Variants in RAP1A observed in about 807,000 individuals in gnomAD.
The protein encoded by RAP1A is ras-related protein Rap-1A.
In RAP1A, 6 loss-of-function variants were observed where a neutral mutation model predicts 26.4. That is an observed-to-expected ratio of 0.23 (90% confidence interval 0.12 to 0.45). RAP1A has a LOEUF of 0.45. Ranked by LOEUF, RAP1A falls within the 20% of genes least tolerant of loss-of-function variation. The probability of loss-of-function intolerance (pLI) is 0.99; values close to 1 mark genes in which losing one functional copy is unlikely to be tolerated. For synonymous variants in RAP1A, 73 were observed against 79.4 expected (o/e 0.92, Z 0.43); for missense variants, 121 against 217.2 (o/e 0.56, Z 2.78).
chr1:111,671,732 C>T (rs1213581459), intron 1 of RAP1A, among the ~76,000 whole-genome samples: 1 of 152,180 alleles, frequency 6.6e-6, no homozygotes, highest in Non-Finnish European at 1.5e-5. Flanking sequence ...CCTTGGCCTC[C>T]CAAAGTGCTG....
At chr1:111,631,964 G>A (rs1239730916) in intron 1 of RAP1A, among the ~76,000 whole-genome samples, 2 of 151,802 alleles carry the variant, frequency 1.3e-5, no homozygotes, top group Non-Finnish European at 2.9e-5. Flanking sequence ...TTTTGGTTCT[G>A]TTTATATCTT....
chr1:111,691,297 T>G, intron 1 of RAP1A, 37 bp from the exon 2 acceptor site: 1 of 1,449,896 alleles, frequency 6.9e-7, no homozygotes, highest in Non-Finnish European at 9.7e-7. Context: ...ACTGTTAGCA[T>G]GTTTCTTAAT....
chr1:111,624,751 G>A (rs768997045), intron 1 of RAP1A, among the ~76,000 whole-genome samples: 17 of 152,082 alleles, frequency 1.1e-4, no homozygotes, highest in South Asian at 6.2e-4. Context: ...AATAACGTGC[G>A]TTTATAAGTG....
chr1:111,621,297 T>G (rs1659194627), intron 1 of RAP1A, among the ~76,000 whole-genome samples: 1 of 152,184 alleles, frequency 6.6e-6, no homozygotes. Flanking sequence ...TATGTGTAGT[T>G]TTTCTTTCCT....
chr1:111,633,616 A>T (rs1308496983), intron 1 of RAP1A, among the ~76,000 whole-genome samples: 1 of 152,186 alleles, frequency 6.6e-6, no homozygotes, highest in East Asian at 1.9e-4. Flanking sequence ...ATATACTCTT[A>T]AAAAGTTTCT....
At chr1:111,621,904 TATCTACACTTA>T (rs1659217808) in intron 1 of RAP1A, among the ~76,000 whole-genome samples, 1 of 152,084 alleles carries the variant, frequency 6.6e-6, no homozygotes, top group East Asian at 1.9e-4. Context: ...AGAAGGACAG[TATCTACACTTA>T]ATATACCCCA....
chr1:111,668,451 A>G (rs994142414), intron 1 of RAP1A, among the ~76,000 whole-genome samples: 6 of 152,228 alleles, frequency 3.9e-5, no homozygotes, highest in East Asian at 3.8e-4. Flanking sequence ...AGTGCTTCCT[A>G]TGAACCTTGA....
chr1:111,544,400 A>G (rs534153779), intron 1 of RAP1A, among the ~76,000 whole-genome samples: 106 of 152,190 alleles, frequency 7.0e-4, no homozygotes, highest in African/African-American at 1.9e-3. Context: ...CCAATCTACA[A>G]TCTGTCTCTA....
chr1:111,660,634 C>G (rs1292623516), intron 1 of RAP1A, among the ~76,000 whole-genome samples: 1 of 152,164 alleles, frequency 6.6e-6, no homozygotes, highest in Non-Finnish European at 1.5e-5. Context: ...TTGACCTTCT[C>G]TTTTACAACC....
At position 111,593,900 on chromosome 1, in the gene RAP1A, T is replaced by C. The variant is rs75077528; in HGVS notation, c.-28+51391T>C. ...GGAGAATCTTTTGAAAAAAGAATTA[T>C]AAAATGTCCTCTGAGACAGGTGGTC... On this transcript the variant is annotated intron_variant, in intron 1 of 7. Transcript: ENST00000356415. 8.4e-3 allele frequency among the ~76,000 whole-genome samples: 1,279 copies of C among 152,214 alleles called. 16 individuals carry two copies. The highest frequency in any genetic ancestry group is 0.061 in the East Asian group (314 of 5,178).
upstream of RAP1A, among the ~76,000 whole-genome samples, chr1:111,615,684 A>T (rs1471084563): frequency 6.6e-6 from 1 of 152,032 alleles, no homozygotes; most frequent in Non-Finnish European, 1.5e-5. Context: ...TAAAAAAATT[A>T]GCTGGCCGTG....
Position 111,619,927 on chromosome 1 carries a change from C to T in RAP1A, c.-35C>T. ...TGGAGGAGGTGGAGGAGGCGCCGGA[C>T]CGGGGGGGTGAGTAAGGGGCGGGGA... On this transcript the variant is annotated 5_prime_UTR_variant, in exon 1 of 8. Transcript: ENST00000369709. The T allele has an allele frequency of 5.1e-6, 2 of 393,830 alleles. No homozygotes were observed. Among genetic ancestry groups the T allele is most frequent in the Non-Finnish European group, 4.5e-6 (1 of 224,520 alleles). The allele number at this position is 393,830 out of a possible 1,614,324, so 24.4% of individuals were successfully genotyped here. A position where few individuals can be genotyped will look rare whatever the true frequency, so the allele number is the denominator to read the frequency against.
intron 4 of RAP1A, among the ~76,000 whole-genome samples, chr1:111,698,299 A>G (rs1419822719): frequency 6.6e-6 from 1 of 152,088 alleles, no homozygotes; most frequent in East Asian, 1.9e-4. Context: ...TTAAGAGACG[A>G]GGTCTTGCTC....
At chr1:111,557,132 G>T (rs1432346710) in intron 1 of RAP1A, among the ~76,000 whole-genome samples, 1 of 152,072 alleles carries the variant, frequency 6.6e-6, no homozygotes, top group Non-Finnish European at 1.5e-5. Flanking sequence ...TACCTACAGA[G>T]GAATGATATT....
intron 1 of RAP1A, among the ~76,000 whole-genome samples, chr1:111,664,859 T>C (rs1379732295): frequency 6.6e-6 from 1 of 152,226 alleles, no homozygotes; most frequent in Non-Finnish European, 1.5e-5. Flanking sequence ...CTTACAGCAC[T>C]TCCTGGCACA....
At chr1:111,568,287 A>G (rs1275680226) in intron 1 of RAP1A, among the ~76,000 whole-genome samples, 1 of 152,132 alleles carries the variant, frequency 6.6e-6, no homozygotes, top group African/African-American at 2.4e-5. Context: ...ATCTCTACTC[A>G]GCTTCTAGTG....
At chr1:111,693,930 T>C (rs1415637034) in intron 2 of RAP1A, among the ~76,000 whole-genome samples, 1 of 151,808 alleles carries the variant, frequency 6.6e-6, no homozygotes, top group East Asian at 1.9e-4. Flanking sequence ...AATCAGCATC[T>C]TGCCCTGGAG....
chr1:111,612,498 A>G (rs1571497622), intron 1 of RAP1A, among the ~76,000 whole-genome samples: 1 of 152,106 alleles, frequency 6.6e-6, no homozygotes, highest in Admixed American at 6.5e-5. Context: ...GGTATCTTCC[A>G]CTCTGATTTA....
chr1:111,645,511 A>C (rs984330587), intron 1 of RAP1A, among the ~76,000 whole-genome samples: 2 of 152,232 alleles, frequency 1.3e-5, no homozygotes, highest in Non-Finnish European at 2.9e-5. Flanking sequence ...AGAAAGTTTA[A>C]GATTCACTAA....
Sources: allele counts gnomAD v4.1 joint callset (sites outside exome capture counted in the v4.1 genomes callset), GRCh38; gene constraint gnomAD v4.1.1; transcripts MANE v1.5; gene names NCBI Gene and HGNC (gene_info 2026-07-23, HGNC 2026-07-21).